Variants in NUMB observed in about 807,000 individuals in gnomAD.
The protein encoded by NUMB is NUMB endocytic adaptor protein, also known as protein numb homolog.
A neutral mutation model predicts 59.7 loss-of-function variants in NUMB; 29 were observed. The observed-to-expected ratio is 0.49, with a 90% confidence interval of 0.36 to 0.66. The LOEUF is 0.66. Ranked by LOEUF, NUMB falls within the 30% of genes least tolerant of loss-of-function variation. The pLI, the probability that NUMB is intolerant of heterozygous loss-of-function variation, is 0.00. For synonymous variants in NUMB, 288 were observed against 288.2 expected (o/e 1.00, Z 0.01); for missense variants, 723 against 822.0 (o/e 0.88, Z 1.47).
intron 10 of NUMB, among the ~76,000 whole-genome samples, chr14:73,283,042 G>A (rs1313786932): frequency 6.6e-6 from 1 of 152,180 alleles, no homozygotes. Flanking sequence ...CTAAGCATAT[G>A]ATCTATGATA....
intron 2 of NUMB, among the ~76,000 whole-genome samples, chr14:73,369,765 C>G (rs143425657): frequency 1.3e-3 from 192 of 152,258 alleles, no homozygotes; most frequent in African/African-American, 4.2e-3. Context: ...TAGAAAGAAG[C>G]ATACAAAGTG....
chr14:73,326,838 T>A (rs1325533158), intron 4 of NUMB, among the ~76,000 whole-genome samples: 1 of 152,078 alleles, frequency 6.6e-6, no homozygotes, highest in Non-Finnish European at 1.5e-5. Context: ...TAATAACTAC[T>A]CAGAAAGGTA....
At chr14:73,395,037 T>TTATGTGTGTG (rs1230785169) in intron 2 of NUMB, among the ~76,000 whole-genome samples, 2,371 of 119,976 alleles carry the variant, frequency 0.02, 107 homozygotes, top group East Asian at 0.082. Context: ...ATTCGTGTGT[T>TTATGTGTGTG]TGTGTGTGTG....
intron 2 of NUMB, among the ~76,000 whole-genome samples, chr14:73,392,829 G>A (rs1186930958): frequency 1.3e-5 from 2 of 151,086 alleles, no homozygotes; most frequent in African/African-American, 4.9e-5. Context: ...CCAAAGCTAG[G>A]AAAACTGAGT....
At chr14:73,443,369 GT>G (rs994440167) in intron 1 of NUMB, among the ~76,000 whole-genome samples, 15 of 152,176 alleles carry the variant, frequency 9.9e-5, no homozygotes, top group Non-Finnish European at 1.2e-4. Flanking sequence ...GCTGAGGCGG[GT>G]GGATCACTTG....
intron 6 of NUMB, among the ~76,000 whole-genome samples, chr14:73,313,849 C>G (rs1409701332): frequency 6.7e-6 from 1 of 150,210 alleles, no homozygotes; most frequent in Non-Finnish European, 1.5e-5. Context: ...TCTCTGTCAC[C>G]GAGGCTGGAG....
chr14:73,389,161 C>T (rs1443710906), intron 2 of NUMB, among the ~76,000 whole-genome samples: 7 of 143,062 alleles, frequency 4.9e-5, no homozygotes, highest in African/African-American at 7.7e-5. Flanking sequence ...CTCCCAGCTA[C>T]TTGAGAAGCT....
At chr14:73,393,130 G>A (rs1478837124) in intron 2 of NUMB, among the ~76,000 whole-genome samples, 2 of 152,204 alleles carry the variant, frequency 1.3e-5, no homozygotes, top group African/African-American at 4.8e-5. Context: ...AAATTACTAA[G>A]TGTCTATGTG....
At chr14:73,390,324 G>A (rs770838501) in intron 2 of NUMB, among the ~76,000 whole-genome samples, 22 of 152,154 alleles carry the variant, frequency 1.4e-4, no homozygotes, top group Non-Finnish European at 2.8e-4. Flanking sequence ...TTGGAATAGA[G>A]GGCAAATGTA....
rs184900424 is a variant in NUMB, at chr14:73,333,236, C to T, written c.127-10032G>A. On this transcript the variant is annotated intron_variant, in intron 4 of 12. Transcript: ENST00000555238. ...GAGCTCCAATTTCTCTACATCCTTG[C>T]CAACACTTGTTGTTTTCTGTTTTGT... Among the ~76,000 whole-genome samples, 494 of 152,264 alleles carry T rather than the reference C, an allele frequency of 3.2e-3. 1 individual carries two copies. The highest frequency in any genetic ancestry group is 6.8e-3 in the Middle Eastern group (2 of 294).
chr14:73,342,921 T>C lies in NUMB; in HGVS notation c.126+12705A>G, dbSNP rs574737790. On this transcript the variant is annotated intron_variant, in intron 4 of 12. Transcript: ENST00000555238. ...GTGCAGTGATGCGATCATGGCTTAC[T>C]GCGGCCTCTACCTCCTTACCTCAGC... is the stretch of plus-strand genomic sequence containing the variant. 3.3e-5 allele frequency among the ~76,000 whole-genome samples: 5 copies of C among 152,220 alleles called. No individual in the cohort carries two copies. In the East Asian group the frequency reaches 7.7e-4, roughly 24 times the overall value.
At chr14:73,409,641 CTTTG>C (rs1169657830) in intron 2 of NUMB, 1 of 152,190 alleles carries the variant, frequency 6.6e-6, no homozygotes, top group African/African-American at 2.4e-5. Context: ...GTTTGAGGTA[CTTTG>C]TTACACAGCA....
intron 1 of NUMB, among the ~76,000 whole-genome samples, chr14:73,446,421 T>C (rs1267779348): frequency 1.3e-5 from 2 of 151,300 alleles, no homozygotes; most frequent in African/African-American, 4.9e-5. Context: ...GCCTGGCCAA[T>C]ATGGTGAAAC....
At chr14:73,389,195 C>T (rs1330484659) in intron 2 of NUMB, among the ~76,000 whole-genome samples, 1 of 140,230 alleles carries the variant, frequency 7.1e-6, no homozygotes, top group African/African-American at 2.6e-5. Context: ...CGTTTGAACC[C>T]GGGAGTCTGA....
chr14:73,393,744 T>C (rs1464294301), intron 2 of NUMB, among the ~76,000 whole-genome samples: 1 of 152,230 alleles, frequency 6.6e-6, no homozygotes, highest in African/African-American at 2.4e-5. Context: ...CCTAATCTAA[T>C]AAAAGTCTTT....
chr14:73,360,734 T>G (rs1049105954), intron 3 of NUMB, among the ~76,000 whole-genome samples: 1 of 152,176 alleles, frequency 6.6e-6, no homozygotes, highest in Non-Finnish European at 1.5e-5. Context: ...TACATTGGTC[T>G]CCCACTCATT....
intron 2 of NUMB, among the ~76,000 whole-genome samples, chr14:73,367,344 TATATAGAGAG>T (rs1438933773): frequency 3.6e-5 from 3 of 84,172 alleles, no homozygotes; most frequent in South Asian, 3.2e-4. Flanking sequence ...TATATATATA[TATATAGAGAG>T]AGAGAGAGAG....
At chr14:73,405,650 T>G (rs1401222756) in intron 2 of NUMB, among the ~76,000 whole-genome samples, 2 of 151,928 alleles carry the variant, frequency 1.3e-5, no homozygotes, top group Non-Finnish European at 2.9e-5. Context: ...AGGTCATCCA[T>G]GGTGGGGGCA....
intron 5 of NUMB, among the ~76,000 whole-genome samples, chr14:73,321,547 T>C (rs1478581589): frequency 2.6e-5 from 4 of 152,200 alleles, no homozygotes; most frequent in African/African-American, 9.7e-5. Context: ...CCCGGAATTA[T>C]TTTGTTAAAG....
Sources: allele counts gnomAD v4.1 joint callset (sites outside exome capture counted in the v4.1 genomes callset), GRCh38; gene constraint gnomAD v4.1.1; transcripts MANE v1.5; gene names NCBI Gene and HGNC (gene_info 2026-07-23, HGNC 2026-07-21).